PPP2R2B: variants seen among roughly 807,000 people sequenced by gnomAD.
PPP2R2B encodes the protein protein phosphatase 2 regulatory subunit Bbeta.
PPP2R2B carries 5 observed loss-of-function variants against 46.0 expected under a neutral mutation model. That is an observed-to-expected ratio of 0.11 (90% confidence interval 0.06 to 0.23). The LOEUF (loss-of-function observed/expected upper bound fraction) is 0.23, where lower values mean the gene tolerates loss of function less well. Among genes scored for constraint, PPP2R2B ranks in the 10% least tolerant of loss-of-function variants. PPP2R2B has a pLI of 1.00. For missense variants in PPP2R2B, 367 were observed against 575.0 expected (o/e 0.64, Z 3.70); for synonymous variants, 215 against 206.7 (o/e 1.04, Z -0.34).
chr5:146,990,980 C>T lies in PPP2R2B; in HGVS notation c.79+64685G>A, dbSNP rs139059666. 5.1e-3 allele frequency among the ~76,000 whole-genome samples: 776 copies of T among 152,062 alleles called. 15 individuals are homozygous for T. The highest frequency in any genetic ancestry group is 0.03 in the East Asian group (153 of 5,168). On this transcript the variant is annotated intron_variant, in intron 1 of 8. Transcript: ENST00000336640. The stretch of plus-strand genomic sequence containing the variant: ...AGGTATATGAAAAAATCTTGAACAT[C>T]GTTAATCATCAAGAGAATGCAAATC...
chr5:146,901,284 G>A (rs893259865), intron 1 of PPP2R2B, among the ~76,000 whole-genome samples: 2 of 152,118 alleles, frequency 1.3e-5, no homozygotes, highest in Non-Finnish European at 2.9e-5. Flanking sequence ...AGGATCCCTT[G>A]AGCCCAGGAG....
At chr5:146,826,647 T>G (rs982089548) in intron 2 of PPP2R2B, among the ~76,000 whole-genome samples, 10 of 152,158 alleles carry the variant, frequency 6.6e-5, no homozygotes, top group Admixed American at 5.9e-4. Flanking sequence ...TAAAATGCAT[T>G]CTGGTGGCGT....
chr5:146,619,404 T>C (rs187615317), intron 7 of PPP2R2B, among the ~76,000 whole-genome samples: 1 of 151,744 alleles, frequency 6.6e-6, no homozygotes, highest in East Asian at 1.9e-4. Context: ...TGCTTGAACC[T>C]GGTAGGCGGA....
chr5:147,003,386 C>T (rs558509127), intron 1 of PPP2R2B, among the ~76,000 whole-genome samples: 21 of 152,182 alleles, frequency 1.4e-4, no homozygotes, highest in Non-Finnish European at 2.5e-4. Flanking sequence ...GTACGTGTCC[C>T]TTCTCTCTCT....
intron 1 of PPP2R2B, among the ~76,000 whole-genome samples, chr5:147,052,225 T>C (rs1464865390): frequency 6.6e-6 from 1 of 152,178 alleles, no homozygotes; most frequent in Non-Finnish European, 1.5e-5. Context: ...AAAACAATTT[T>C]CATGCATGTA....
At chr5:146,787,101 T>G (rs2151289787) in intron 2 of PPP2R2B, among the ~76,000 whole-genome samples, 1 of 152,310 alleles carries the variant, frequency 6.6e-6, no homozygotes, top group East Asian at 1.9e-4. Context: ...TTGTCAAAAA[T>G]CAAACACACA....
chr5:146,972,101 C>T (rs969730167), intron 1 of PPP2R2B, among the ~76,000 whole-genome samples: 1 of 152,110 alleles, frequency 6.6e-6, no homozygotes, highest in African/African-American at 2.4e-5. Context: ...TCTCCGTCTT[C>T]CTTTGCTCTT....
chr5:146,983,769 T>G (rs1000667014), intron 1 of PPP2R2B, among the ~76,000 whole-genome samples: 19 of 152,252 alleles, frequency 1.2e-4, no homozygotes, highest in Non-Finnish European at 2.2e-4. Flanking sequence ...TTTACCCACA[T>G]TTTTGTATAT....
chr5:147,040,952 G>A (rs1371547420), intron 1 of PPP2R2B: 3 of 360,330 alleles, frequency 8.3e-6, no homozygotes, highest in Non-Finnish European at 1.6e-5. Flanking sequence ...TCTTTATAGT[G>A]TATCCTTGAG....
At chr5:147,044,087 C>T (rs1219456437) in intron 1 of PPP2R2B, among the ~76,000 whole-genome samples, 1 of 152,084 alleles carries the variant, frequency 6.6e-6, no homozygotes, top group Non-Finnish European at 1.5e-5. Context: ...GGCTAGCCAC[C>T]TAAATGCTTA....
At chr5:146,758,985 CTCT>C (rs1753999105) in intron 2 of PPP2R2B, among the ~76,000 whole-genome samples, 1 of 151,942 alleles carries the variant, frequency 6.6e-6, no homozygotes, top group Admixed American at 6.6e-5. Context: ...TCTTTCAGTT[CTCT>C]TCTTAAGCCA....
chr5:146,622,740 A>G (rs1773791438), intron 7 of PPP2R2B, among the ~76,000 whole-genome samples: 1 of 152,146 alleles, frequency 6.6e-6, no homozygotes, highest in Non-Finnish European at 1.5e-5. Context: ...TCTTCTCTGA[A>G]CTTCTATAGA....
intron 1 of PPP2R2B, among the ~76,000 whole-genome samples, chr5:146,954,526 G>A (rs1038256010): frequency 1.3e-5 from 2 of 152,100 alleles, no homozygotes; most frequent in South Asian, 4.1e-4. Flanking sequence ...TGGGAAGGGG[G>A]TGAGGGTAAA....
intron 1 of PPP2R2B, among the ~76,000 whole-genome samples, chr5:147,038,578 A>G (rs996309179): frequency 3.9e-5 from 6 of 152,230 alleles, no homozygotes; most frequent in African/African-American, 1.4e-4. Flanking sequence ...GATGGCAACA[A>G]TGATCAAGAA....
intron 2 of PPP2R2B, among the ~76,000 whole-genome samples, chr5:146,829,789 T>C (rs1368891626): frequency 6.6e-6 from 1 of 152,176 alleles, no homozygotes; most frequent in Non-Finnish European, 1.5e-5. Context: ...ACCCCTACTT[T>C]GTAGGAAGGA....
intron 2 of PPP2R2B, among the ~76,000 whole-genome samples, chr5:146,723,144 C>T (rs1751629644): frequency 6.6e-6 from 1 of 152,188 alleles, no homozygotes; most frequent in Admixed American, 6.5e-5. Context: ...TTGGCCTCCT[C>T]ATTGAGAGAG....
At chr5:147,033,612 G>T (rs1025161916) in intron 1 of PPP2R2B, among the ~76,000 whole-genome samples, 8 of 152,094 alleles carry the variant, frequency 5.3e-5, no homozygotes, top group Admixed American at 3.3e-4. Flanking sequence ...GACAGATGGT[G>T]GGTTGGGAGG....
intron 1 of PPP2R2B, among the ~76,000 whole-genome samples, chr5:146,898,762 T>A (rs1391913883): frequency 9.3e-6 from 1 of 107,000 alleles, no homozygotes; most frequent in Admixed American, 9.9e-5. Flanking sequence ...TACAATGAAC[T>A]CCAACAAATT....
intron 2 of PPP2R2B, among the ~76,000 whole-genome samples, chr5:146,854,842 G>A (rs568448364): frequency 9.9e-5 from 15 of 152,226 alleles, no homozygotes; most frequent in Non-Finnish European, 1.9e-4. Context: ...TGAAAAGCAG[G>A]TATTTATCCT....
Sources: allele counts gnomAD v4.1 joint callset (sites outside exome capture counted in the v4.1 genomes callset), GRCh38; gene constraint gnomAD v4.1.1; transcripts MANE v1.5; gene names NCBI Gene and HGNC (gene_info 2026-07-23, HGNC 2026-07-21).